Variants in TYW1B observed in about 807,000 individuals in gnomAD.
The protein encoded by TYW1B is S-adenosyl-L-methionine-dependent tRNA 4-demethylwyosine synthase TYW1B.
A neutral mutation model predicts 86.9 loss-of-function variants in TYW1B; 73 were observed. The ratio of observed to expected loss-of-function variants is 0.84; its 90% CI spans 0.70 to 1.02. The LOEUF is 1.02. Ranked by LOEUF, TYW1B falls within the 50% of genes least tolerant of loss-of-function variation. TYW1B has a pLI of 0.00. For missense variants in TYW1B, 637 were observed against 827.4 expected (o/e 0.77, Z 2.82); for synonymous variants, 248 against 292.8 (o/e 0.85, Z 1.56).
chr7:72,701,137 C>T (rs1372089462), intron 10 of TYW1B, among the ~76,000 whole-genome samples: 1 of 151,948 alleles, frequency 6.6e-6, no homozygotes, highest in Non-Finnish European at 1.5e-5. Flanking sequence ...AATGTCAAAT[C>T]TTTGTCTAGT....
Position 72,722,972 on chromosome 7 carries a change from C to T in TYW1B, c.1192+5850G>A, listed in dbSNP as rs1437815279. 15 of 703,438 alleles carry T rather than the reference C, an allele frequency of 2.1e-5. No homozygotes were observed. The East Asian group carries it at 4.1e-4, about 19-fold the overall frequency. The allele number at this position is 703,438 out of a possible 1,614,324, so 43.6% of individuals were successfully genotyped here. A position where few individuals can be genotyped will look rare whatever the true frequency, so the allele number is the denominator to read the frequency against. On this transcript the variant is annotated intron_variant, in intron 9 of 13. Coordinates refer to ENST00000620995, the MANE Select transcript of TYW1B (RefSeq NM_001145440.3). ...TACCAGCAGGCCTCCCCACCAGATG[C>T]CCTGCACTGGATACCTAAGCCTTGG...
At chr7:72,617,162 T>C (rs1812096552) in intron 12 of TYW1B, among the ~76,000 whole-genome samples, 2 of 152,176 alleles carry the variant, frequency 1.3e-5, no homozygotes, top group Admixed American at 1.3e-4. Flanking sequence ...TTCAGATTCA[T>C]CTGTGCACTA....
chr7:72,748,517 T>C (rs1787435493), intron 7 of TYW1B, among the ~76,000 whole-genome samples: 1 of 146,788 alleles, frequency 6.8e-6, no homozygotes, highest in Non-Finnish European at 1.5e-5. Context: ...AACGCAGACA[T>C]ACTTGTCTTG....
intron 11 of TYW1B, among the ~76,000 whole-genome samples, chr7:72,662,426 T>TATAGATAGATAG (rs10682366): frequency 1.0e-4 from 12 of 118,652 alleles, no homozygotes; most frequent in East Asian, 4.8e-4. Context: ...AATATATATA[T>TATAGATAGATAG]ATAGATAGAT....
At chr7:72,634,681 G>C (rs2129568876) in intron 11 of TYW1B, among the ~76,000 whole-genome samples, 1 of 152,152 alleles carries the variant, frequency 6.6e-6, no homozygotes, top group Admixed American at 6.5e-5. Context: ...ACAACACTTA[G>C]TGTTGCTAGT....
chr7:72,655,300 A>G (rs1424661962), intron 11 of TYW1B, among the ~76,000 whole-genome samples: 1 of 152,134 alleles, frequency 6.6e-6, no homozygotes, highest in African/African-American at 2.4e-5. Context: ...AGCTCTCACA[A>G]GCCCTAAGCC....
intron 11 of TYW1B, among the ~76,000 whole-genome samples, chr7:72,646,130 G>C (rs1554442052): frequency 2.0e-5 from 3 of 151,324 alleles, no homozygotes; most frequent in African/African-American, 7.3e-5. Flanking sequence ...CACTGTACCT[G>C]GAATTCAAAC....
chr7:72,777,546 A>G lies in TYW1B; in HGVS notation c.847-13T>C. 6.2e-7 allele frequency: 1 copy of G among 1,613,630 alleles called. No homozygotes were observed. Among genetic ancestry groups the G allele is most frequent in the Non-Finnish European group, 8.5e-7 (1 of 1,179,782 alleles). On this transcript the variant is annotated splice_polypyrimidine_tract_variant and intron_variant, in intron 6 of 13. Transcript: ENST00000620995. ...GTTCCTTTTCTCTCTGCATTAAAAT[A>G]AAAGAATGAAATCCAGAATTGGCAA...
chr7:72,824,672 C>T (rs1274519030), intron 2 of TYW1B, among the ~76,000 whole-genome samples: 5 of 150,900 alleles, frequency 3.3e-5, no homozygotes, highest in South Asian at 2.1e-4. Flanking sequence ...ACCCAGGAGG[C>T]GGAGGTTGTG....
chr7:72,724,310 A>T (rs1786959578), intron 9 of TYW1B, among the ~76,000 whole-genome samples: 1 of 152,062 alleles, frequency 6.6e-6, no homozygotes, highest in Admixed American at 6.6e-5. Flanking sequence ...CATCTCTATT[A>T]AAAATTTTTA....
chr7:72,587,891 T>C (rs1811308990), intron 13 of TYW1B, among the ~76,000 whole-genome samples: 1 of 152,208 alleles, frequency 6.6e-6, no homozygotes, highest in African/African-American at 2.4e-5. Flanking sequence ...AGAAGCAAGA[T>C]GCAGTCAGTT....
chr7:72,802,137 T>C (rs1160207220), intron 6 of TYW1B, among the ~76,000 whole-genome samples: 12 of 152,144 alleles, frequency 7.9e-5, no homozygotes, highest in Admixed American at 5.2e-4. Context: ...AGCCAAAAGA[T>C]TGGACACCCC....
At chr7:72,667,031 C>CAAAAAAAAAAAAAAAA (rs60691255) in intron 11 of TYW1B, among the ~76,000 whole-genome samples, 1 of 42,366 alleles carries the variant, frequency 2.4e-5, no homozygotes, top group South Asian at 1.6e-3. Flanking sequence ...GACTCCGTCT[C>CAAAAAAAAAAAAAAAA]AAAAAAAAAA....
intron 13 of TYW1B, among the ~76,000 whole-genome samples, chr7:72,584,144 T>C (rs1811219438): frequency 1.3e-5 from 2 of 152,178 alleles, no homozygotes; most frequent in Admixed American, 1.3e-4. Flanking sequence ...CTTCTTTGGC[T>C]CAAGGATCCT....
At chr7:72,575,984 G>A (rs1203870679) in intron 13 of TYW1B, among the ~76,000 whole-genome samples, 1 of 152,170 alleles carries the variant, frequency 6.6e-6, no homozygotes, top group Non-Finnish European at 1.5e-5. Context: ...TTTATCTCAA[G>A]CAGTCCCGCT....
chr7:72,618,457 T>C (rs1812134339), intron 12 of TYW1B, among the ~76,000 whole-genome samples: 1 of 152,072 alleles, frequency 6.6e-6, no homozygotes, highest in Non-Finnish European at 1.5e-5. Flanking sequence ...CCTCAAATGA[T>C]CTGCCCATCT....
At chr7:72,669,161 G>A (rs868919281) in intron 11 of TYW1B, among the ~76,000 whole-genome samples, 25 of 8,338 alleles carry the variant, frequency 3.0e-3, no homozygotes, top group Middle Eastern at 0.11. Flanking sequence ...TTTTTTTTTT[G>A]AGATGGAGTT....
chr7:72,729,594 C>A (rs1414987374), intron 8 of TYW1B, among the ~76,000 whole-genome samples: 2 of 152,104 alleles, frequency 1.3e-5, no homozygotes, highest in African/African-American at 4.8e-5. Context: ...TGAGCCCATG[C>A]AGAACCTTGT....
At chr7:72,694,349 G>A (rs1349829036) in intron 11 of TYW1B, among the ~76,000 whole-genome samples, 8 of 152,204 alleles carry the variant, frequency 5.3e-5, no homozygotes, top group Non-Finnish European at 5.9e-5. Flanking sequence ...TAGATTCCGG[G>A]TTGGGTATCT....
Sources: allele counts gnomAD v4.1 joint callset (sites outside exome capture counted in the v4.1 genomes callset), GRCh38; gene constraint gnomAD v4.1.1; transcripts MANE v1.5; gene names NCBI Gene and HGNC (gene_info 2026-07-23, HGNC 2026-07-21).